EMC2: variants seen among roughly 807,000 people sequenced by gnomAD.
The protein encoded by EMC2 is TPR repeat protein 35.
EMC2 carries 37 observed loss-of-function variants against 51.6 expected under a neutral mutation model. The ratio of observed to expected loss-of-function variants is 0.72; its 90% CI spans 0.55 to 0.94. The LOEUF is 0.94. Among genes scored for constraint, EMC2 ranks in the 40% least tolerant of loss-of-function variants. The probability of loss-of-function intolerance (pLI) is 0.00; values close to 1 mark genes in which losing one functional copy is unlikely to be tolerated. For synonymous variants in EMC2, 131 were observed against 112.4 expected, an observed-to-expected ratio of 1.17 and a Z score of -1.04; for missense variants, 359 against 350.9, an observed-to-expected ratio of 1.02 and a Z score of -0.18.
chr8:108,460,512 G>A (rs1056431791), intron 5 of EMC2, among the ~76,000 whole-genome samples: 2 of 152,086 alleles, frequency 1.3e-5, no homozygotes, highest in African/African-American at 2.4e-5. Context: ...ATTTCACCCC[G>A]ATCACATGTG....
chr8:108,449,917 T>C lies in EMC2; in HGVS notation c.135T>C (p.Ala45=). ...EVGEELINEY[A]SKLGDDIWII... is the part of the protein sequence containing the mutation. ...GAGAAGAATTAATTAATGAATATGC[T>C]TCTAAGCTGGGAGATGATAGTAAGT... Residue 45 remains alanine (A), a synonymous_variant, in exon 2 of 11, where the codon GCT becomes GCC. Coordinates refer to ENST00000220853, the MANE Select transcript of EMC2 (RefSeq NM_014673.5). 2.6e-6 allele frequency: 4 copies of C among 1,560,916 alleles called. No individual in the cohort carries two copies.
intron 5 of EMC2, among the ~76,000 whole-genome samples, chr8:108,462,294 T>C (rs915308350): frequency 6.6e-6 from 1 of 151,926 alleles, no homozygotes; most frequent in African/African-American, 2.4e-5. Flanking sequence ...ACAATATAGT[T>C]TAAAGATCAT....
chr8:108,461,428 G>A (rs1819316667), intron 5 of EMC2, among the ~76,000 whole-genome samples: 2 of 152,182 alleles, frequency 1.3e-5, no homozygotes, highest in Non-Finnish European at 2.9e-5. Flanking sequence ...ACATGCTGTA[G>A]ACTTTGAAAC....
rs749748655 is a variant in EMC2, at chr8:108,455,919, C to A, written c.352C>A (p.Pro118Thr). Residue 118 changes from proline to threonine, a missense_variant, in exon 5 of 11, where the codon CCA (proline) becomes ACA (threonine). Transcript: ENST00000220853. ...ATATGATAGGATTTTACAAGAAGATCCAACTAACACTGTAAGTTGGCAGAT... is the reference window on the plus strand; with the variant it reads ...ATATGATAGGATTTTACAAGAAGATACAACTAACACTGTAAGTTGGCAGAT... Reference protein sequence around the residue: ...QLYDRILQEDPTNTAARKRKI... With the variant: ...QLYDRILQEDTTNTAARKRKI... 2.9e-6 allele frequency: 4 copies of A among 1,358,966 alleles called. No individual in the cohort carries two copies. The highest frequency in any genetic ancestry group is 1.5e-5 in the South Asian group (1 of 66,670). 84.2% of individuals were successfully genotyped at this position (1,358,966 alleles called of 1,614,324 possible).
chr8:108,477,642 A>G (rs904248559), intron 9 of EMC2, among the ~76,000 whole-genome samples: 35 of 152,194 alleles, frequency 2.3e-4, no homozygotes, highest in African/African-American at 7.0e-4. Flanking sequence ...GAATGGCAAA[A>G]TATGGTTAGA....
intron 5 of EMC2, among the ~76,000 whole-genome samples, chr8:108,465,723 A>G (rs1819450336): frequency 6.6e-6 from 1 of 152,242 alleles, no homozygotes; most frequent in Non-Finnish European, 1.5e-5. Flanking sequence ...GATATTGGCT[A>G]AAAATCTTCT....
intron 10 of EMC2, among the ~76,000 whole-genome samples, chr8:108,485,341 T>C (rs1270796650): frequency 6.7e-6 from 1 of 150,162 alleles, no homozygotes; most frequent in Non-Finnish European, 1.5e-5. Flanking sequence ...GATGTTAACT[T>C]GAAAACACTA....
Position 108,470,101 on chromosome 8 carries a change from A to G in EMC2, c.489A>G (p.Glu163=), listed in dbSNP as rs921275109. 1.9e-5 allele frequency: 31 copies of G among 1,612,410 alleles called. No homozygotes were observed. The African/African-American group carries it at 4.1e-4, about 22-fold the overall frequency. The change falls in exon 7 of 11, where the codon GAA becomes GAG. Residue 163 remains glutamate, a synonymous_variant. Coordinates refer to ENST00000220853, the MANE Select transcript of EMC2 (RefSeq NM_014673.5). ...GDQEAWHELA[E]LYINEHDYAK... is the part of the protein sequence containing the mutation. ...AAGAAGCCTGGCATGAACTTGCAGAACTTTACATCAATGAACATGAGTAAG... is the reference window on the plus strand; with the variant it reads ...AAGAAGCCTGGCATGAACTTGCAGAGCTTTACATCAATGAACATGAGTAAG...
Position 108,486,711 on chromosome 8 carries a change from T to C in EMC2, c.*113T>C. The C allele has an allele frequency of 9.1e-7, 1 of 1,094,946 alleles. No homozygotes were observed. The highest frequency in any genetic ancestry group is 1.2e-6 in the Non-Finnish European group (1 of 805,180). 67.8% of individuals were successfully genotyped at this position (1,094,946 alleles called of 1,614,324 possible). A position where few individuals can be genotyped will look rare whatever the true frequency, so the allele number is the denominator to read the frequency against. On this transcript the variant is annotated 3_prime_UTR_variant, in exon 11 of 11. Transcript: ENST00000220853. ...TTTATATACTACAGTAATTTTCTGTTAAGAAGGCAGTTGTAAAGAATGTGT... is the reference window on the plus strand; with the variant it reads ...TTTATATACTACAGTAATTTTCTGTCAAGAAGGCAGTTGTAAAGAATGTGT...
chr8:108,483,819 A>ATTC (rs1811088708), intron 10 of EMC2, among the ~76,000 whole-genome samples: 3 of 152,320 alleles, frequency 2.0e-5, no homozygotes, highest in African/African-American at 7.2e-5. Context: ...TGAATAATGT[A>ATTC]AAAGAGTATA....
At chr8:108,458,418 C>T (rs1017868071) in intron 5 of EMC2, among the ~76,000 whole-genome samples, 11 of 152,194 alleles carry the variant, frequency 7.2e-5, no homozygotes, top group Admixed American at 2.0e-4. Flanking sequence ...ATGGTAGCCC[C>T]GCCCGTGCAA....
At chr8:108,444,237 C>G (rs1265428916) in intron 1 of EMC2, among the ~76,000 whole-genome samples, 1 of 152,174 alleles carries the variant, frequency 6.6e-6, no homozygotes, top group Admixed American at 6.5e-5. Flanking sequence ...TTAGTCTAGT[C>G]TCTGTCCCAC....
chr8:108,474,554 TACACACACACAC>T (rs34518937), intron 7 of EMC2: 1 of 150,334 alleles, frequency 6.7e-6, no homozygotes, highest in African/African-American at 2.4e-5. Flanking sequence ...TGGATGAGAG[TACACACACACAC>T]ACACACACAC....
intron 5 of EMC2, among the ~76,000 whole-genome samples, chr8:108,458,908 T>C (rs1819235308): frequency 6.6e-6 from 1 of 152,194 alleles, no homozygotes; most frequent in African/African-American, 2.4e-5. Flanking sequence ...CTTGCCCTGT[T>C]TCCCTTGTAA....
In EMC2 at chr8:108,469,850, A is replaced by C; in HGVS notation, c.388A>C (p.Ile130Leu). Reference protein sequence around the residue: ...NTAARKRKIAIRKAQGKNVEA... With the variant: ...NTAARKRKIALRKAQGKNVEA... ...GGCTGCAAGAAAGCGTAAGATTGCC[A>C]TTCGAAAAGCCCAGGGGAAAAATGT... The change falls in exon 6 of 11, where the codon ATT becomes CTT. Residue 130 changes from isoleucine (I) to leucine (L), a missense_variant. Ile to Leu is a conservative substitution (Grantham distance 5). Transcript: ENST00000220853. 1 of 1,613,546 alleles carries C rather than the reference A, an allele frequency of 6.2e-7. No homozygotes were observed. The highest frequency in any genetic ancestry group is 1.7e-4 in the Middle Eastern group (1 of 6,060).
Position 108,476,834 on chromosome 8 carries a change from T to C in EMC2, c.644T>C (p.Phe215Ser), listed in dbSNP as rs1722378038. The change falls in exon 9 of 11, where the codon TTT becomes TCT. Residue 215 changes from phenylalanine (F) to serine (S), a missense_variant. Phe to Ser is a radical substitution (Grantham distance 155). Coordinates refer to ENST00000220853, the MANE Select transcript of EMC2 (RefSeq NM_014673.5). ...LENLELSRKYFAQALKLNNRN... is the reference protein window; with the variant it reads ...LENLELSRKYSAQALKLNNRN... Reference sequence around the variant, plus strand: ...AACCTCGAACTTTCAAGAAAGTATTTTGCACAGGCATTGAAACTGAACAAC... The same window carrying C: ...AACCTCGAACTTTCAAGAAAGTATTCTGCACAGGCATTGAAACTGAACAAC... The C allele has an allele frequency of 6.2e-7, 1 of 1,608,680 alleles. No individual in the cohort carries two copies. Among genetic ancestry groups the C allele is most frequent in the Non-Finnish European group, 8.5e-7 (1 of 1,175,784 alleles).
chr8:108,472,787 T>C (rs1004561841), intron 7 of EMC2, among the ~76,000 whole-genome samples: 3 of 152,078 alleles, frequency 2.0e-5, no homozygotes, highest in Non-Finnish European at 4.4e-5. Flanking sequence ...ATGTCAGATA[T>C]ATTTAACATT....
rs766137512 is a variant in EMC2 at position 108,453,070 on chromosome 8, T to C, written c.228T>C (p.Leu76=). Residue 76 remains leucine, a synonymous_variant, in exon 4 of 11, where the codon CTT becomes CTC. Coordinates refer to ENST00000220853, the MANE Select transcript of EMC2 (RefSeq NM_014673.5). ...YGRDDLALFC[L]QELRRQFPGS... ...AACCCTTATTTTTTCAGTTTTGTCT[T>C]CAAGAGCTGAGAAGACAGTTCCCTG... 43 of 1,590,700 alleles carry C rather than the reference T, an allele frequency of 2.7e-5. No homozygotes were observed. The South Asian group carries it at 4.7e-4, about 17-fold the overall frequency.
At chr8:108,447,688 G>A (rs969154322) in intron 1 of EMC2, among the ~76,000 whole-genome samples, 1 of 152,058 alleles carries the variant, frequency 6.6e-6, no homozygotes, top group Non-Finnish European at 1.5e-5. Flanking sequence ...CAATCATAGC[G>A]ACTCTCTTAA....
Sources: gnomAD v4.1 joint callset for allele counts (sites outside exome capture counted in the v4.1 genomes callset) on GRCh38, gnomAD v4.1.1 for gene constraint, MANE v1.5 for transcripts, NCBI Gene and HGNC (gene_info 2026-07-23, HGNC 2026-07-21) for gene names.